KCTD1: variants seen among roughly 807,000 people sequenced by gnomAD.
KCTD1 encodes potassium channel tetramerization domain containing 1, also known as BTB/POZ domain-containing protein KCTD1.
Under a neutral mutation model 66.0 loss-of-function variants are expected in KCTD1, and 24 were observed. The ratio of observed to expected loss-of-function variants is 0.36; its 90% CI spans 0.26 to 0.51. The LOEUF is 0.51. KCTD1 is among the 20% of genes least tolerant of loss of function. The probability of loss-of-function intolerance (pLI) is 0.95; values close to 1 mark genes in which losing one functional copy is unlikely to be tolerated. For missense variants in KCTD1, 943 were observed against 1,205.2 expected, an observed-to-expected ratio of 0.78 and a Z score of 3.22; for synonymous variants, 511 against 517.2, an observed-to-expected ratio of 0.99 and a Z score of 0.16.
rs576470371 is a variant in KCTD1, at chr18:26,638,252, A to C, written c.-107+2059T>G. Among the ~76,000 whole-genome samples the C allele has an allele frequency of 2.6e-5, 4 of 152,326 alleles. No individual in the cohort carries two copies. The South Asian group carries it at 6.2e-4, about 24-fold the overall frequency. ...AAATCAGTCCAAGTTCATTCTATTC[A>C]TAACCTTCATAACTTCCTAGAAGAC... On this transcript the variant is annotated intron_variant, in intron 1 of 5. Transcript: ENST00000579973.
intron 1 of KCTD1, among the ~76,000 whole-genome samples, chr18:26,506,728 A>G (rs1396809700): frequency 6.6e-6 from 1 of 152,154 alleles, no homozygotes; most frequent in African/African-American, 2.4e-5. Flanking sequence ...AGACCCCACA[A>G]TCTAAACAGA....
At chr18:26,583,981 G>A (rs951001493) in intron 1 of KCTD1, among the ~76,000 whole-genome samples, 7 of 152,162 alleles carry the variant, frequency 4.6e-5, no homozygotes, top group African/African-American at 1.7e-4. Flanking sequence ...GCATCCTCAA[G>A]TTAACATCAG....
chr18:26,654,688 G>C (rs1988096007), intron 1 of KCTD1, among the ~76,000 whole-genome samples: 1 of 152,036 alleles, frequency 6.6e-6, no homozygotes, highest in African/African-American at 2.4e-5. Flanking sequence ...ATTTCTTCCC[G>C]GCTGTGTGAC....
intron 1 of KCTD1, among the ~76,000 whole-genome samples, chr18:26,604,510 A>C (rs954256209): frequency 6.6e-6 from 1 of 152,216 alleles, no homozygotes; most frequent in African/African-American, 2.4e-5. Context: ...AATCAACCTA[A>C]ATGTCTATAA....
intron 1 of KCTD1, chr18:26,545,010 GATA>G: frequency 6.6e-6 from 1 of 152,236 alleles, no homozygotes; most frequent in South Asian, 2.1e-4. Flanking sequence ...GTAAATAAAA[GATA>G]ATGACTGAAA....
intron 1 of KCTD1, among the ~76,000 whole-genome samples, chr18:26,617,854 AGG>A: frequency 3.2e-4 from 1 of 3,156 alleles, no homozygotes; most frequent in Admixed American, 3.6e-3. Context: ...GAAGGAAGGG[AGG>A]GAGGGAGGGA....
At chr18:26,569,679 A>C (rs1281986867) in intron 1 of KCTD1, among the ~76,000 whole-genome samples, 1 of 152,156 alleles carries the variant, frequency 6.6e-6, no homozygotes, top group Non-Finnish European at 1.5e-5. Context: ...CAGATTATTC[A>C]CAAAGAACAG....
intron 1 of KCTD1, chr18:26,545,369 C>T (rs1301641947): frequency 1.3e-5 from 2 of 152,188 alleles, no homozygotes; most frequent in Non-Finnish European, 1.5e-5. Flanking sequence ...AAATAGACTA[C>T]ACACCTGAAG....
At chr18:26,558,197 A>C (rs1256580227) in intron 1 of KCTD1, among the ~76,000 whole-genome samples, 1 of 152,254 alleles carries the variant, frequency 6.6e-6, no homozygotes, top group East Asian at 1.9e-4. Flanking sequence ...CAGGCACATG[A>C]AAATGTGCTC....
chr18:26,489,916 G>A (rs1257269489), intron 2 of KCTD1, among the ~76,000 whole-genome samples: 1 of 152,154 alleles, frequency 6.6e-6, no homozygotes, highest in South Asian at 2.1e-4. Context: ...TTTTTCAAAC[G>A]AGTAAATCAA....
chr18:26,501,586 A>G (rs1349883917), intron 1 of KCTD1, among the ~76,000 whole-genome samples: 2 of 152,230 alleles, frequency 1.3e-5, no homozygotes, highest in East Asian at 3.8e-4. Context: ...ATTCATTCCA[A>G]ATAAAATGAC....
chr18:26,599,420 G>A, intron 1 of KCTD1: 1 of 1,611,608 alleles, frequency 6.2e-7, no homozygotes, highest in Non-Finnish European at 8.5e-7. Flanking sequence ...CAGATTTTGG[G>A]ATCTCTGCTG....
intron 1 of KCTD1, among the ~76,000 whole-genome samples, chr18:26,570,145 C>T (rs1221514801): frequency 1.3e-5 from 2 of 148,400 alleles, no homozygotes; most frequent in Non-Finnish European, 3.0e-5. Flanking sequence ...GAAATTGTGC[C>T]ACTGCATTGC....
intron 1 of KCTD1, among the ~76,000 whole-genome samples, chr18:26,583,240 A>G (rs1986395363): frequency 6.6e-6 from 1 of 151,916 alleles, no homozygotes. Flanking sequence ...CTAAAAATAC[A>G]AAAATTAGCT....
upstream of KCTD1, among the ~76,000 whole-genome samples, chr18:26,643,753 G>A (rs1040041733): frequency 3.9e-5 from 6 of 152,166 alleles, no homozygotes; most frequent in East Asian, 1.9e-4. Context: ...ACGAGGTCAG[G>A]AGATGGAGAC....
At chr18:26,516,574 A>C (rs1983666068) in intron 1 of KCTD1, among the ~76,000 whole-genome samples, 1 of 152,226 alleles carries the variant, frequency 6.6e-6, no homozygotes, top group South Asian at 2.1e-4. Context: ...TCACAGATAA[A>C]TGGTTATAGC....
chr18:26,557,474 A>G (rs747737960), intron 1 of KCTD1, among the ~76,000 whole-genome samples: 4 of 152,296 alleles, frequency 2.6e-5, no homozygotes, highest in African/African-American at 7.2e-5. Context: ...CCTGAGATAT[A>G]ATAACTTTTA....
At chr18:26,516,424 T>C (rs1983660454) in intron 1 of KCTD1, among the ~76,000 whole-genome samples, 1 of 152,140 alleles carries the variant, frequency 6.6e-6, no homozygotes, top group Non-Finnish European at 1.5e-5. Context: ...GGTCCTGCAT[T>C]TTGCTTCAGT....
chr18:26,499,353 G>A lies in KCTD1; in HGVS notation c.1988+1719C>T, dbSNP rs1231517338. On this transcript the variant is annotated intron_variant, in intron 2 of 4. Coordinates refer to ENST00000580059, the MANE Select transcript of KCTD1 (RefSeq NM_001142730.3). Reference sequence around the variant, plus strand: ...ACACTACTTATATAACAAAATTCTTGAAAAATAAAGCCATTATTATAATAT... The same window carrying A: ...ACACTACTTATATAACAAAATTCTTAAAAAATAAAGCCATTATTATAATAT... Among the ~76,000 whole-genome samples, 3 of 152,210 alleles carry A rather than the reference G, an allele frequency of 2.0e-5. No homozygotes were observed. In the East Asian group the frequency reaches 5.8e-4, roughly 29 times the overall value.
Sources: allele counts gnomAD v4.1 joint callset (sites outside exome capture counted in the v4.1 genomes callset), GRCh38; gene constraint gnomAD v4.1.1; transcripts MANE v1.5; gene names NCBI Gene and HGNC (gene_info 2026-07-23, HGNC 2026-07-21).